The following SGCD variants were observed in gnomAD, a reference collection of about 807,000 sequenced individuals.
SGCD encodes the protein delta-sarcoglycan.
SGCD carries 18 observed loss-of-function variants against 36.6 expected under a neutral mutation model. That is an observed-to-expected ratio of 0.49 (90% CI 0.34 to 0.73). The LOEUF is 0.73. Among genes scored for constraint, SGCD ranks in the 30% least tolerant of loss-of-function variants. The pLI, the probability that SGCD is intolerant of heterozygous loss-of-function variation, is 0.01. For synonymous variants in SGCD, 133 were observed against 130.6 expected, an observed-to-expected ratio of 1.02 and a Z score of -0.12; for missense variants, 387 against 346.7, an observed-to-expected ratio of 1.12 and a Z score of -0.92.
chr5:155,946,829 G>A (rs781494963), intron 1 of SGCD, among the ~76,000 whole-genome samples: 4 of 152,302 alleles, frequency 2.6e-5, no homozygotes, highest in Admixed American at 6.5e-5. Flanking sequence ...CTGGGAAACC[G>A]AATGTAGCCA....
chr5:156,594,426 T>C (rs1315819086), intron 5 of SGCD, among the ~76,000 whole-genome samples: 1 of 152,204 alleles, frequency 6.6e-6, no homozygotes, highest in East Asian at 1.9e-4. Flanking sequence ...ATGATCTGTA[T>C]ACTAAGGAAA....
chr5:156,025,361 A>G (rs1759204762), intron 1 of SGCD, among the ~76,000 whole-genome samples: 1 of 152,216 alleles, frequency 6.6e-6, no homozygotes, highest in Non-Finnish European at 1.5e-5. Flanking sequence ...AGGGCTGAGA[A>G]TCTTCTATTT....
intron 3 of SGCD, among the ~76,000 whole-genome samples, chr5:156,222,913 A>G (rs958624938): frequency 6.6e-6 from 1 of 152,078 alleles, no homozygotes; most frequent in African/African-American, 2.4e-5. Flanking sequence ...AAAATGTTTT[A>G]CTGATTTATT....
intron 6 of SGCD, among the ~76,000 whole-genome samples, chr5:156,607,818 C>G (rs2113444661): frequency 6.6e-6 from 1 of 152,244 alleles, no homozygotes; most frequent in Non-Finnish European, 1.5e-5. Flanking sequence ...TCTAGATTTT[C>G]TAGTTTATTT....
intron 1 of SGCD, among the ~76,000 whole-genome samples, chr5:155,895,055 A>C (rs1756217253): frequency 6.6e-6 from 1 of 152,180 alleles, no homozygotes; most frequent in African/African-American, 2.4e-5. Flanking sequence ...AGAGGAGACC[A>C]GGCCTTATTC....
chr5:155,768,993 C>T, the SGCD span, among the ~76,000 whole-genome samples: 1 of 152,014 alleles, frequency 6.6e-6, no homozygotes, highest in Admixed American at 6.6e-5. Context: ...CTTATGATAA[C>T]AACTGAAAAT....
chr5:155,927,251 A>G (rs1039409765), intron 1 of SGCD, among the ~76,000 whole-genome samples: 4 of 152,222 alleles, frequency 2.6e-5, no homozygotes, highest in Non-Finnish European at 5.9e-5. Flanking sequence ...TTATTCAATA[A>G]GTTTTAGTTA....
intron 1 of SGCD, among the ~76,000 whole-genome samples, chr5:155,944,656 C>T (rs146732472): frequency 4.6e-5 from 7 of 152,052 alleles, no homozygotes; most frequent in Admixed American, 2.6e-4. Flanking sequence ...TTAAGTGCTG[C>T]GATAAGAACA....
chr5:156,265,764 G>A (rs1306915541), intron 3 of SGCD, among the ~76,000 whole-genome samples: 3 of 151,944 alleles, frequency 2.0e-5, no homozygotes, highest in African/African-American at 7.2e-5. Context: ...ATCACCAAAT[G>A]AACAAGCATA....
chr5:156,603,590 T>A (rs895703511), intron 6 of SGCD, among the ~76,000 whole-genome samples: 9 of 152,090 alleles, frequency 5.9e-5, no homozygotes, highest in Non-Finnish European at 1.2e-4. Flanking sequence ...TTTTGCAATG[T>A]CTCAGGCTTT....
chr5:156,036,425 A>C (rs1401249248), intron 1 of SGCD, among the ~76,000 whole-genome samples: 2 of 152,222 alleles, frequency 1.3e-5, no homozygotes, highest in African/African-American at 4.8e-5. Flanking sequence ...CTCCTCAGGA[A>C]GAAATTTAAA....
chr5:156,399,979 A>G lies in SGCD; in HGVS notation c.192+55302A>G, dbSNP rs185945513. 3.9e-3 allele frequency among the ~76,000 whole-genome samples: 587 copies of G among 152,298 alleles called. 2 individuals carry two copies. Among genetic ancestry groups the G allele is most frequent in the Non-Finnish European group, 6.4e-3 (438 of 68,022 alleles). On this transcript the variant is annotated intron_variant, in intron 3 of 8. Transcript: ENST00000337851. ...TCTAATGTGTACCTCATGAAAGTTA[A>G]TAGGTATTCCATAGAGTCTATGGAA... is the stretch of plus-strand genomic sequence containing the variant.
intron 7 of SGCD, among the ~76,000 whole-genome samples, chr5:156,670,969 G>A (rs1753264506): frequency 6.6e-6 from 1 of 151,762 alleles, no homozygotes; most frequent in African/African-American, 2.4e-5. Context: ...TTTCTTAGTT[G>A]TATTTCTTCC....
At chr5:155,897,948 G>T (rs1390757567) in intron 1 of SGCD, among the ~76,000 whole-genome samples, 1 of 152,168 alleles carries the variant, frequency 6.6e-6, no homozygotes, top group African/African-American at 2.4e-5. Flanking sequence ...ATGCTGAATT[G>T]CTAGCGTCTA....
At chr5:156,019,785 A>G (rs1201740224) in intron 1 of SGCD, among the ~76,000 whole-genome samples, 2 of 152,132 alleles carry the variant, frequency 1.3e-5, no homozygotes, top group Admixed American at 1.3e-4. Context: ...ACCATCCATA[A>G]TGTGCGGTAG....
At chr5:155,747,193 T>G in the SGCD span, among the ~76,000 whole-genome samples, 1 of 151,586 alleles carries the variant, frequency 6.6e-6, no homozygotes, top group Non-Finnish European at 1.5e-5. Context: ...TAAGATAAAT[T>G]TAAAAGGAAA....
At chr5:155,968,392 G>C (rs555945659) in intron 1 of SGCD, among the ~76,000 whole-genome samples, 1 of 152,114 alleles carries the variant, frequency 6.6e-6, no homozygotes, top group South Asian at 2.1e-4. Flanking sequence ...GTCATCTCCC[G>C]TTATCTGAAG....
At chr5:156,091,722 C>CAAAGAAGATGGTCTGGTATTCGCCCAT (rs1337104527) in intron 1 of SGCD, among the ~76,000 whole-genome samples, 3 of 152,226 alleles carry the variant, frequency 2.0e-5, no homozygotes, top group Non-Finnish European at 4.4e-5. Context: ...TTTGCATCAT[C>CAAAGAAGATGGTCTGGTATTCGCCCAT]AAAGAAGATG....
the SGCD span, among the ~76,000 whole-genome samples, chr5:155,771,507 T>A: frequency 2.0e-5 from 3 of 151,926 alleles, no homozygotes; most frequent in Non-Finnish European, 4.4e-5. Context: ...TACTGCAATC[T>A]CCACCTCCCA....
Sources: allele counts gnomAD v4.1 joint callset (sites outside exome capture counted in the v4.1 genomes callset), GRCh38; gene constraint gnomAD v4.1.1; transcripts MANE v1.5; gene names NCBI Gene and HGNC (gene_info 2026-07-23, HGNC 2026-07-21).